Variants in CCDC171 observed in about 807,000 individuals in gnomAD.
CCDC171 encodes the protein coiled-coil domain containing 171.
In CCDC171, 177 loss-of-function variants were observed where a neutral mutation model predicts 168.2. That is an observed-to-expected ratio of 1.05 (90% CI 0.93 to 1.19). The LOEUF (loss-of-function observed/expected upper bound fraction) is 1.19. Ranked by LOEUF, CCDC171 falls within the 50% of genes most tolerant of loss-of-function variation. CCDC171 has a pLI of 0.00. For synonymous variants in CCDC171, 687 were observed against 540.8 expected, an observed-to-expected ratio of 1.27 and a Z score of -3.75; for missense variants, 1,991 against 1,539.0, an observed-to-expected ratio of 1.29 and a Z score of -4.91.
chr9:16,047,141 T>G (rs920565932), intron 1 of CCDC171, among the ~76,000 whole-genome samples: 1 of 152,238 alleles, frequency 6.6e-6, no homozygotes, highest in Admixed American at 6.5e-5. Context: ...CTTTCAAGTC[T>G]GATCTCCAGC....
intron 1 of CCDC171, among the ~76,000 whole-genome samples, chr9:16,059,099 C>T (rs1270063444): frequency 1.3e-5 from 2 of 152,166 alleles, no homozygotes; most frequent in African/African-American, 4.8e-5. Flanking sequence ...GCTTCCAGAA[C>T]CAAGCACCCG....
At chr9:15,631,737 C>A (rs6474938) in intron 7 of CCDC171, among the ~76,000 whole-genome samples, 82,581 of 151,904 alleles carry the variant, frequency 0.54, 22,743 homozygotes, top group East Asian at 0.77. Flanking sequence ...TTTTAGACCA[C>A]TATCCTTGAT....
At chr9:15,611,358 C>T (rs941835979) in intron 6 of CCDC171, among the ~76,000 whole-genome samples, 3 of 152,110 alleles carry the variant, frequency 2.0e-5, no homozygotes, top group Non-Finnish European at 4.4e-5. Context: ...CGCAAATGTC[C>T]GGTGATTCTA....
At chr9:15,887,152 T>G (rs968052560) in intron 24 of CCDC171, among the ~76,000 whole-genome samples, 1 of 152,148 alleles carries the variant, frequency 6.6e-6, no homozygotes, top group African/African-American at 2.4e-5. Context: ...TGTGAGGTGA[T>G]AGATATGTTA....
the CCDC171 span, among the ~76,000 whole-genome samples, chr9:16,069,331 G>A: frequency 5.9e-5 from 9 of 152,238 alleles, no homozygotes. Flanking sequence ...AATGCTGAGA[G>A]TGAAAAATGA....
chr9:15,713,682 C>T (rs1247377966), intron 11 of CCDC171, among the ~76,000 whole-genome samples: 1 of 152,050 alleles, frequency 6.6e-6, no homozygotes, highest in African/African-American at 2.4e-5. Context: ...TTGCTTCTAA[C>T]TCCTAAAAGT....
intron 11 of CCDC171, among the ~76,000 whole-genome samples, chr9:15,707,592 C>A (rs1390453232): frequency 1.3e-5 from 2 of 152,144 alleles, no homozygotes. Context: ...TTTCTCCCTT[C>A]CTTACTTTAC....
chr9:15,729,167 A>G (rs1233821919), intron 15 of CCDC171, among the ~76,000 whole-genome samples: 1 of 152,120 alleles, frequency 6.6e-6, no homozygotes, highest in Non-Finnish European at 1.5e-5. Flanking sequence ...GAAAATGAGG[A>G]TTTTCTTTCC....
chr9:15,777,608 T>G lies in CCDC171; in HGVS notation c.2680T>G (p.Ser894Ala). Residue 894 changes from serine (S) to alanine (A), a missense_variant, in exon 19 of 26, where the codon TCC becomes GCC. Transcript: ENST00000380701. Reference protein sequence around the residue: ...QDVIGKADPNSRICGHLLIGA... With the variant: ...QDVIGKADPNARICGHLLIGA... ...TTTCTTTTTCTTTGAAGATCCAAAT[T>G]CCAGAATTTGTGGACATTTACTCAT... 1 of 1,600,176 alleles carries G rather than the reference T, an allele frequency of 6.2e-7. No individual in the cohort carries two copies. Among genetic ancestry groups the G allele is most frequent in the Non-Finnish European group, 8.5e-7 (1 of 1,176,264 alleles).
At chr9:15,917,930 T>A (rs369137381) in intron 24 of CCDC171, among the ~76,000 whole-genome samples, 103 of 151,870 alleles carry the variant, frequency 6.8e-4, no homozygotes, top group African/African-American at 2.3e-3. Flanking sequence ...TTTCAGATTG[T>A]CTCATTTAGA....
intron 18 of CCDC171, among the ~76,000 whole-genome samples, chr9:15,750,879 T>G (rs1173524310): frequency 6.6e-6 from 1 of 152,112 alleles, no homozygotes. Context: ...AAGACAAGGA[T>G]GCTCTCTCTC....
At chr9:15,823,665 G>A (rs2059892242) in intron 21 of CCDC171, among the ~76,000 whole-genome samples, 2 of 152,086 alleles carry the variant, frequency 1.3e-5, no homozygotes, top group African/African-American at 4.8e-5. Context: ...AAATATATTT[G>A]TAATGTTGCA....
chr9:15,806,591 G>C (rs896919718), intron 21 of CCDC171, among the ~76,000 whole-genome samples: 1 of 152,116 alleles, frequency 6.6e-6, no homozygotes, highest in Non-Finnish European at 1.5e-5. Context: ...TACAGTTTCT[G>C]TTGAGGAGTT....
At chr9:16,079,575 T>C in the CCDC171 span, among the ~76,000 whole-genome samples, 1 of 152,168 alleles carries the variant, frequency 6.6e-6, no homozygotes, top group African/African-American at 2.4e-5. Flanking sequence ...CCAAAGATTG[T>C]CCGCAAATCA....
At chr9:15,628,921 A>T (rs572789140) in intron 7 of CCDC171, among the ~76,000 whole-genome samples, 1 of 152,296 alleles carries the variant, frequency 6.6e-6, no homozygotes, top group Non-Finnish European at 1.5e-5. Flanking sequence ...AGGCAAACAG[A>T]GTCTGGAGTG....
intron 11 of CCDC171, among the ~76,000 whole-genome samples, chr9:15,695,591 C>T (rs537782302): frequency 4.6e-5 from 7 of 152,246 alleles, no homozygotes; most frequent in Non-Finnish European, 7.4e-5. Flanking sequence ...GACAAGGGCT[C>T]ACTTGCTGTG....
At chr9:15,584,020 C>T (rs369533176) in intron 4 of CCDC171, among the ~76,000 whole-genome samples, 2 of 152,258 alleles carry the variant, frequency 1.3e-5, no homozygotes, top group African/African-American at 4.8e-5. Context: ...GTGCCCACCA[C>T]CACGCCCGGC....
intron 3 of CCDC171, among the ~76,000 whole-genome samples, chr9:15,575,269 C>T (rs1408298816): frequency 1.4e-5 from 2 of 147,118 alleles, no homozygotes; most frequent in African/African-American, 5.0e-5. Context: ...CTCCTGGACT[C>T]AAGTGATCTC....
intron 21 of CCDC171, among the ~76,000 whole-genome samples, chr9:15,837,904 C>G (rs2060517469): frequency 6.6e-6 from 1 of 152,186 alleles, no homozygotes; most frequent in Non-Finnish European, 1.5e-5. Flanking sequence ...TTGTTCTACC[C>G]TCTTTTACTT....
Sources: allele counts gnomAD v4.1 joint callset (sites outside exome capture counted in the v4.1 genomes callset), GRCh38; gene constraint gnomAD v4.1.1; transcripts MANE v1.5; gene names NCBI Gene and HGNC (gene_info 2026-07-23, HGNC 2026-07-21).